Variants in TBR1 observed in about 807,000 individuals in gnomAD.
TBR1 encodes the protein T-box brain protein 1.
Under a neutral mutation model 60.3 loss-of-function variants are expected in TBR1, and 7 were observed. That is an observed-to-expected ratio of 0.12 (90% CI 0.07 to 0.22). The LOEUF is 0.22. Among genes scored for constraint, TBR1 ranks in the 10% least tolerant of loss-of-function variants. The probability of loss-of-function intolerance (pLI) is 1.00; values close to 1 mark genes in which losing one functional copy is unlikely to be tolerated. For missense variants in TBR1, 616 were observed against 936.8 expected (o/e 0.66, Z 4.47); for synonymous variants, 417 against 409.9 (o/e 1.02, Z -0.21).
chr2:161,418,420 G>A (rs1361035353), intron 3 of TBR1, 98 bp downstream of exon 3: 23 of 1,446,764 alleles, frequency 1.6e-5, no homozygotes, highest in Middle Eastern at 1.8e-4. Context: ...CTGGATACAC[G>A]TTTCTTTGCT....
At position 161,417,221 on chromosome 2, in the gene TBR1, A is replaced by T; in HGVS notation, c.692+119A>T. On this transcript the variant is annotated intron_variant, in intron 1 of 5. Coordinates refer to ENST00000389554, the MANE Select transcript of TBR1 (RefSeq NM_006593.4). This position sits in a 1 kb window ranked among gnomAD's most constrained non-coding sequence, Gnocchi z 5.3. ...GGGAGCGGAGTGGAAGGCGCCCTAGAGTTGGCTAGTTTTGGAAAGGGGGAA... is the reference window on the plus strand; with the variant it reads ...GGGAGCGGAGTGGAAGGCGCCCTAGTGTTGGCTAGTTTTGGAAAGGGGGAA... 1 of 1,056,502 alleles carries T rather than the reference A, an allele frequency of 9.5e-7. No individual in the cohort carries two copies. The highest frequency in any genetic ancestry group is 1.3e-6 in the Non-Finnish European group (1 of 741,700). The allele number at this position is 1,056,502 out of a possible 1,614,324, so 65.4% of individuals were successfully genotyped here. A position where few individuals can be genotyped will look rare whatever the true frequency, so the allele number is the denominator to read the frequency against.
At chr2:161,421,527 TAGAGG>T (rs1313625170) in intron 5 of TBR1, 2 of 152,246 alleles carry the variant, frequency 1.3e-5, no homozygotes, top group Non-Finnish European at 2.9e-5. Context: ...CTAGAGATGT[TAGAGG>T]AGAGTCCTGT....
intron 4 of TBR1, 152 bp from the exon 5 acceptor site, chr2:161,420,044 A>T: frequency 4.1e-6 from 2 of 486,390 alleles, no homozygotes; most frequent in African/African-American, 2.0e-5. Context: ...TTTCCTTTCC[A>T]CTCAATCCCT....
Position 161,424,311 on chromosome 2 carries a change from C to G in TBR1, c.*84C>G. 1 of 1,379,764 alleles carries G rather than the reference C, an allele frequency of 7.2e-7. No homozygotes were observed. The highest frequency in any genetic ancestry group is 9.8e-7 in the Non-Finnish European group (1 of 1,024,322). 85.5% of individuals were successfully genotyped at this position (1,379,764 alleles called of 1,614,324 possible). A position where few individuals can be genotyped will look rare whatever the true frequency, so the allele number is the denominator to read the frequency against. ...TCTTCCCCAGCTCCGCCTCCCCACA[C>G]TCCTCCTTGCGCACCCACTCATTTT... On this transcript the variant is annotated 3_prime_UTR_variant, in exon 6 of 6. Coordinates refer to ENST00000389554, the MANE Select transcript of TBR1 (RefSeq NM_006593.4). The surrounding 1 kb of genome is among the most constrained non-coding windows in gnomAD (Gnocchi z 4.4).
rs777340851 is a variant in TBR1, at chr2:161,416,470, G to A, written c.60G>A (p.Val20=). ...SIMLSKKFLN[V]SSSYPHSGGS... The stretch of plus-strand genomic sequence containing the variant: ...TGCTCTCCAAGAAATTTCTCAATGT[G>A]AGCAGCAGCTACCCACATTCAGGCG... The change falls in exon 1 of 6, where the codon GTG becomes GTA. Residue 20 remains valine (V), a synonymous_variant. Transcript: ENST00000389554. The surrounding 1 kb of genome is among the most constrained non-coding windows in gnomAD (Gnocchi z 6.1). 6 of 1,613,434 alleles carry A rather than the reference G, an allele frequency of 3.7e-6. No individual in the cohort carries two copies. The highest frequency in any genetic ancestry group is 5.1e-6 in the Non-Finnish European group (6 of 1,179,586).
At position 161,416,834 on chromosome 2, in the gene TBR1, C is replaced by T; in HGVS notation, c.424C>T (p.Pro142Ser). ...PAHPAFSIGSPSRYMAHHPVI... is the reference protein window; with the variant it reads ...PAHPAFSIGSSSRYMAHHPVI... ...GCACCCCGCCTTCTCCATCGGCAGC[C>T]CTAGCCGCTACATGGCCCACCACCC... is the stretch of plus-strand genomic sequence containing the variant. Residue 142 changes from proline to serine, a missense_variant, in exon 1 of 6, where the codon CCT becomes TCT. Physicochemically the swap from Pro to Ser is moderately conservative, Grantham distance 74 (BLOSUM62 -1). This residue lies in a region of TBR1 where 211 missense variants were observed against 268.7 expected (regional missense o/e 0.79). Transcript: ENST00000389554. This position sits in a 1 kb window ranked among gnomAD's most constrained non-coding sequence, Gnocchi z 6.1. 2 of 1,614,078 alleles carry T rather than the reference C, an allele frequency of 1.2e-6. No homozygotes were observed. The highest frequency in any genetic ancestry group is 1.7e-6 in the Non-Finnish European group (2 of 1,180,034).
chr2:161,423,196 T>C (rs898908558), intron 5 of TBR1, 173 bp from the exon 6 acceptor site: 1 of 470,338 alleles, frequency 2.1e-6, no homozygotes, highest in Non-Finnish European at 3.7e-6. Flanking sequence ...TTGGGAATGA[T>C]AGAGGTCTGT....
At position 161,423,574 on chromosome 2, in the gene TBR1, G is replaced by C. The variant is rs1684270862; in HGVS notation, c.1396G>C (p.Gly466Arg). Residue 466 changes from glycine (G) to arginine (R), a missense_variant, in exon 6 of 6, where the codon GGG becomes CGG. Physicochemically the swap from Gly to Arg is moderately radical, Grantham distance 125. Transcript: ENST00000389554. ...GTDRSVPHTN[G>R]LLSPQQAEDP... ...GGACCGCAGCGTGCCGCACACCAAC[G>C]GGCTGCTGTCGCCGCAGCAGGCCGA... 6 of 1,548,852 alleles carry C rather than the reference G, an allele frequency of 3.9e-6. No homozygotes were observed. Among genetic ancestry groups the C allele is most frequent in the African/African-American group, 1.4e-5 (1 of 70,356 alleles).
At position 161,423,357 on chromosome 2, in the gene TBR1, C is replaced by A; in HGVS notation, c.1191-12C>A. ...CCCCTCGGCTCTCTCTCTCTCTCTCCCTACCCCGCAGGATCTACACCGGCT... is the reference window on the plus strand; with the variant it reads ...CCCCTCGGCTCTCTCTCTCTCTCTCACTACCCCGCAGGATCTACACCGGCT... On this transcript the variant is annotated splice_polypyrimidine_tract_variant and intron_variant, in intron 5 of 5. Transcript: ENST00000389554. The A allele has an allele frequency of 6.9e-7, 1 of 1,445,796 alleles. No homozygotes were observed. The highest frequency in any genetic ancestry group is 9.2e-7 in the Non-Finnish European group (1 of 1,088,854). The allele number at this position is 1,445,796 out of a possible 1,614,324, so 89.6% of individuals were successfully genotyped here.
At chr2:161,423,334 C>T in intron 5 of TBR1, 35 bp from the exon 6 acceptor site, 2 of 1,360,910 alleles carry the variant, frequency 1.5e-6, no homozygotes, top group Non-Finnish European at 1.9e-6. Context: ...CCGCGCCACC[C>T]CTCGGCTCTC....
Position 161,417,284 on chromosome 2 carries a change from G to T in TBR1, c.692+182G>T, listed in dbSNP as rs1384214544. The T allele has an allele frequency of 1.7e-5, 11 of 661,766 alleles. No homozygotes were observed. The East Asian group carries it at 2.0e-4, about 12-fold the overall frequency. 41.0% of individuals were successfully genotyped at this position (661,766 alleles called of 1,614,324 possible). On this transcript the variant is annotated intron_variant, in intron 1 of 5. Transcript: ENST00000389554. The surrounding 1 kb of genome is among the most constrained non-coding windows in gnomAD (Gnocchi z 5.3). ...AACCGCCAGGGTGATGTTGGTGGGG[G>T]GGACCCCGTTCTAGGAACATAGTGG...
Position 161,423,514 on chromosome 2 carries a change from CA to C in TBR1, c.1337del (p.His446ProfsTer41). 1 of 1,586,832 alleles carries C rather than the reference CA, an allele frequency of 6.3e-7. No individual in the cohort carries two copies. Among genetic ancestry groups the C allele is most frequent in the African/African-American group, 1.4e-5 (1 of 72,396 alleles). On this transcript the variant is annotated frameshift_variant, in exon 6 of 6. Coordinates refer to ENST00000389554, the MANE Select transcript of TBR1 (RefSeq NM_006593.4). LOFTEE classifies it high-confidence loss of function. ...FVSNYAKARFHPGAGAGPGPG... is the reference protein window; with the variant it reads ...FVSNYAKARFXPGAGAGPGPG... ...GAGCAACTACGCCAAGGCCCGCTTC[CA>C]CCCGGGCGCGGGCGCGGGCCCCGGG... is the stretch of plus-strand genomic sequence containing the variant.
In TBR1 at chr2:161,418,287, A is replaced by T; in HGVS notation, c.934A>T (p.Thr312Ser). Residue 312 changes from threonine (T) to serine (S), a missense_variant, in exon 3 of 6, where the codon ACG becomes TCG. By Grantham distance (58) the Thr-to-Ser change is moderately conservative (BLOSUM62 1). Coordinates refer to ENST00000389554, the MANE Select transcript of TBR1 (RefSeq NM_006593.4). ...AATCTCTTTTGGAAAATTAAAACTT[A>T]CGAACAACAAAGGAGCTTCAAATAA... ...QEISFGKLKL[T>S]NNKGASNNNG... 6.2e-7 allele frequency: 1 copy of T among 1,614,166 alleles called. No homozygotes were observed. Among genetic ancestry groups the T allele is most frequent in the Non-Finnish European group, 8.5e-7 (1 of 1,180,012 alleles).
rs1346816276 is a variant in TBR1 at position 161,417,216 on chromosome 2, C to T, written c.692+114C>T. The T allele has an allele frequency of 3.6e-6, 4 of 1,121,964 alleles. No homozygotes were observed. Among genetic ancestry groups the T allele is most frequent in the Non-Finnish European group, 5.0e-6 (4 of 798,796 alleles). 69.5% of individuals were successfully genotyped at this position (1,121,964 alleles called of 1,614,324 possible). The stretch of plus-strand genomic sequence containing the variant: ...GGGTCGGGAGCGGAGTGGAAGGCGC[C>T]CTAGAGTTGGCTAGTTTTGGAAAGG... On this transcript the variant is annotated intron_variant, in intron 1 of 5. Coordinates refer to ENST00000389554, the MANE Select transcript of TBR1 (RefSeq NM_006593.4). This position sits in a 1 kb window ranked among gnomAD's most constrained non-coding sequence, Gnocchi z 5.3.
intron 2 of TBR1, 181 bp from the exon 3 acceptor site, chr2:161,418,020 C>A: frequency 4.8e-6 from 7 of 1,453,114 alleles, no homozygotes; most frequent in East Asian, 2.5e-5. Flanking sequence ...ATTTTAATCA[C>A]CCCCAGTTAA....
intron 3 of TBR1, chr2:161,418,623 G>T: frequency 1.8e-6 from 1 of 551,552 alleles, no homozygotes; most frequent in Non-Finnish European, 3.1e-6. Context: ...CCTCCTTACA[G>T]GAGGACTAGG....
At position 161,418,289 on chromosome 2, in the gene TBR1, G is replaced by C. The variant is rs758023111; in HGVS notation, c.936G>C (p.Thr312=). The change falls in exon 3 of 6, where the codon ACG becomes ACC. Residue 312 remains threonine, a synonymous_variant. Transcript: ENST00000389554. ...TCTCTTTTGGAAAATTAAAACTTAC[G>C]AACAACAAAGGAGCTTCAAATAACA... ...QEISFGKLKL[T]NNKGASNNNG... is the part of the protein sequence containing the mutation. 26 of 1,613,926 alleles carry C rather than the reference G, an allele frequency of 1.6e-5. No homozygotes were observed. Among genetic ancestry groups the C allele is most frequent in the Non-Finnish European group, 1.9e-5 (23 of 1,180,012 alleles).
Position 161,418,898 on chromosome 2 carries a change from G to A in TBR1, c.976G>A (p.Val326Ile). ...CTTTCTTCCCGCCGGACAGATGGTGGTTTTACAGTCCTTGCACAAGTACCA... is the reference window on the plus strand; with the variant it reads ...CTTTCTTCCCGCCGGACAGATGGTGATTTTACAGTCCTTGCACAAGTACCA... Reference protein sequence around the residue: ...GASNNNGQMVVLQSLHKYQPR... With the variant: ...GASNNNGQMVILQSLHKYQPR... Residue 326 changes from valine to isoleucine, a missense_variant, in exon 4 of 6, where the codon GTT becomes ATT. This residue lies in a region of TBR1 where 85 missense variants were observed against 164.9 expected (regional missense o/e 0.52). Coordinates refer to ENST00000389554, the MANE Select transcript of TBR1 (RefSeq NM_006593.4). 2 of 1,612,266 alleles carry A rather than the reference G, an allele frequency of 1.2e-6. No individual in the cohort carries two copies. Among genetic ancestry groups the A allele is most frequent in the Non-Finnish European group, 1.7e-6 (2 of 1,179,340 alleles).
chr2:161,417,131 T>C lies in TBR1; in HGVS notation c.692+29T>C. 1 of 1,546,208 alleles carries C rather than the reference T, an allele frequency of 6.5e-7. No individual in the cohort carries two copies. The highest frequency in any genetic ancestry group is 1.4e-5 in the African/African-American group (1 of 73,176). On this transcript the variant is annotated intron_variant, in intron 1 of 5. Transcript: ENST00000389554. The surrounding 1 kb of genome is among the most constrained non-coding windows in gnomAD (Gnocchi z 5.3). The stretch of plus-strand genomic sequence containing the variant: ...ATACTACATTTTTGGCTGCCGCTGC[T>C]CTAGGCGCAGCCGGGGACAAGTGCA...
Sources: allele counts gnomAD v4.1 joint callset, GRCh38; gene constraint gnomAD v4.1.1; regional missense constraint gnomAD v4.1.1; non-coding constraint Gnocchi (gnomAD v3.1); transcripts MANE v1.5; gene names NCBI Gene and HGNC (gene_info 2026-07-23, HGNC 2026-07-21).